MCPH1: variants seen among roughly 807,000 people sequenced by gnomAD.
MCPH1 encodes microcephalin 1, also known as microcephalin.
In MCPH1, 104 loss-of-function variants were observed where a neutral mutation model predicts 84.5. That is an observed-to-expected ratio of 1.23 (90% confidence interval 1.05 to 1.45). MCPH1 has a LOEUF of 1.45. Among genes scored for constraint, MCPH1 ranks in the 40% most tolerant of loss-of-function variants. The probability of loss-of-function intolerance (pLI) is 0.00; values close to 1 mark genes in which losing one functional copy is unlikely to be tolerated. For synonymous variants in MCPH1, 514 were observed against 366.8 expected, an observed-to-expected ratio of 1.40 and a Z score of -4.58; for missense variants, 1,498 against 1,005.7, an observed-to-expected ratio of 1.49 and a Z score of -6.62.
chr8:6,588,088 G>A (rs1228811000), intron 12 of MCPH1, among the ~76,000 whole-genome samples: 4 of 152,212 alleles, frequency 2.6e-5, no homozygotes, highest in Non-Finnish European at 5.9e-5. Context: ...TGGGGAGACT[G>A]AGGGTGTGGA....
At chr8:6,420,972 G>C (rs1389539228) in intron 3 of MCPH1, among the ~76,000 whole-genome samples, 2 of 152,174 alleles carry the variant, frequency 1.3e-5, no homozygotes, top group African/African-American at 2.4e-5. Context: ...ACTGGGAAGA[G>C]TCCCAGGCGG....
Position 6,643,155 on chromosome 8 carries a change from A to G in MCPH1, c.*106A>G, listed in dbSNP as rs1798045116. Reference sequence around the variant, plus strand: ...AAGAGAAGGAACTGGCGTATACAAGATGACTTCTGATATCATGTTTGCCAT... The same window carrying G: ...AAGAGAAGGAACTGGCGTATACAAGGTGACTTCTGATATCATGTTTGCCAT... On this transcript the variant is annotated 3_prime_UTR_variant, in exon 14 of 14. Transcript: ENST00000344683. The G allele has an allele frequency of 2.2e-6, 2 of 927,148 alleles. No individual in the cohort carries two copies. The highest frequency in any genetic ancestry group is 3.5e-6 in the Non-Finnish European group (2 of 576,030). 57.4% of individuals were successfully genotyped at this position (927,148 alleles called of 1,614,324 possible).
intron 9 of MCPH1, among the ~76,000 whole-genome samples, chr8:6,476,201 G>C (rs1003513801): frequency 2.6e-5 from 4 of 152,036 alleles, no homozygotes; most frequent in African/African-American, 9.7e-5. Context: ...GGCCGAGGTG[G>C]GTGGATCACC....
intron 12 of MCPH1, chr8:6,514,853 G>T: frequency 7.6e-7 from 1 of 1,313,746 alleles, no homozygotes. Context: ...CAGGAGGAAT[G>T]TAGACCCTGA....
intron 12 of MCPH1, among the ~76,000 whole-genome samples, chr8:6,540,467 C>G (rs1275932986): frequency 6.6e-6 from 1 of 152,168 alleles, no homozygotes; most frequent in African/African-American, 2.4e-5. Flanking sequence ...TTTTAGAGGT[C>G]TTGTAGGGCA....
intron 13 of MCPH1, chr8:6,622,163 A>G (rs1239443810): frequency 9.1e-6 from 2 of 219,226 alleles, no homozygotes; most frequent in African/African-American, 2.3e-5. Flanking sequence ...AAAGGGTGTT[A>G]AAAGACGTCA....
chr8:6,484,687 A>G (rs1034336274), intron 11 of MCPH1, among the ~76,000 whole-genome samples: 1 of 152,232 alleles, frequency 6.6e-6, no homozygotes, highest in African/African-American at 2.4e-5. Flanking sequence ...GTCACTCAGG[A>G]GTCGAAAGGA....
At chr8:6,516,064 C>A (rs1436000020) in intron 12 of MCPH1, among the ~76,000 whole-genome samples, 1 of 152,142 alleles carries the variant, frequency 6.6e-6, no homozygotes, top group Admixed American at 6.5e-5. Flanking sequence ...GGAAGGTCAC[C>A]CAGCTCGTAT....
chr8:6,503,483 T>C (rs867593528), intron 12 of MCPH1, among the ~76,000 whole-genome samples: 2 of 152,206 alleles, frequency 1.3e-5, no homozygotes, highest in Non-Finnish European at 2.9e-5. Context: ...ACAAGCCTTC[T>C]TCCACCTTTT....
At chr8:6,618,098 G>C (rs1009166623) in intron 12 of MCPH1, among the ~76,000 whole-genome samples, 65 of 152,194 alleles carry the variant, frequency 4.3e-4, no homozygotes, top group Admixed American at 4.1e-3. Flanking sequence ...GCACATTGCT[G>C]TAAATTGCGA....
chr8:6,452,467 A>G (rs1338877758), intron 8 of MCPH1, among the ~76,000 whole-genome samples: 1 of 152,196 alleles, frequency 6.6e-6, no homozygotes, highest in Non-Finnish European at 1.5e-5. Flanking sequence ...TGTGTGTGTA[A>G]TGAGGTTGGG....
At chr8:6,579,964 C>G (rs1291683363) in intron 12 of MCPH1, among the ~76,000 whole-genome samples, 9 of 152,300 alleles carry the variant, frequency 5.9e-5, no homozygotes, top group Admixed American at 2.0e-4. Context: ...AGGCCGTGCC[C>G]CTGCCAGAAA....
chr8:6,635,165 C>G (rs1348022909), intron 13 of MCPH1: 1 of 152,212 alleles, frequency 6.6e-6, no homozygotes, highest in Non-Finnish European at 1.5e-5. Flanking sequence ...GGAAGAAGTA[C>G]ACATTAATGT....
intron 13 of MCPH1, among the ~76,000 whole-genome samples, chr8:6,635,865 G>T (rs183988553): frequency 2.4e-4 from 36 of 152,344 alleles, no homozygotes; most frequent in African/African-American, 8.2e-4. Flanking sequence ...GAGGCCTGCT[G>T]TTGTTTGTTG....
At chr8:6,632,945 G>A (rs779913259) in intron 13 of MCPH1, among the ~76,000 whole-genome samples, 3 of 151,792 alleles carry the variant, frequency 2.0e-5, no homozygotes, top group Non-Finnish European at 2.9e-5. Context: ...ATAGCATTAA[G>A]TCTTCTTTTT....
At chr8:6,432,719 T>C (rs1264138976) in intron 4 of MCPH1, among the ~76,000 whole-genome samples, 1 of 152,254 alleles carries the variant, frequency 6.6e-6, no homozygotes, top group Non-Finnish European at 1.5e-5. Context: ...ATGATATTTC[T>C]TCGTTACATT....
At chr8:6,588,482 C>T (rs960070761) in intron 12 of MCPH1, among the ~76,000 whole-genome samples, 1 of 152,156 alleles carries the variant, frequency 6.6e-6, no homozygotes, top group African/African-American at 2.4e-5. Flanking sequence ...CTTCACCTCC[C>T]TGGGGACATG....
intron 3 of MCPH1, among the ~76,000 whole-genome samples, chr8:6,428,534 C>A (rs1282723833): frequency 6.6e-6 from 1 of 152,218 alleles, no homozygotes; most frequent in Admixed American, 6.5e-5. Flanking sequence ...CTCCCGCCAG[C>A]CAAGGCAGCC....
chr8:6,411,074 A>C (rs56981469), intron 2 of MCPH1, among the ~76,000 whole-genome samples: 4,821 of 152,172 alleles, frequency 0.032, 205 homozygotes, highest in East Asian at 0.18. Flanking sequence ...TGGGCGACGG[A>C]GTAAGATTCT....
Sources: allele counts gnomAD v4.1 joint callset (sites outside exome capture counted in the v4.1 genomes callset), GRCh38; gene constraint gnomAD v4.1.1; transcripts MANE v1.5; gene names NCBI Gene and HGNC (gene_info 2026-07-23, HGNC 2026-07-21).